Variants in NOL4 observed in about 807,000 individuals in gnomAD.
NOL4 encodes nucleolar protein 4.
Under a neutral mutation model 75.9 loss-of-function variants are expected in NOL4, and 17 were observed. The ratio of observed to expected loss-of-function variants is 0.22; its 90% CI spans 0.15 to 0.34. NOL4 has a LOEUF of 0.34. NOL4 is among the 10% of genes least tolerant of loss of function. The pLI is 1.00. For synonymous variants in NOL4, 292 were observed against 289.9 expected (o/e 1.01, Z -0.07); for missense variants, 614 against 793.5 (o/e 0.77, Z 2.72).
In NOL4 at chr18:33,943,159, T is replaced by C. The variant is rs1278423436; in HGVS notation, c.1448A>G (p.His483Arg). The change falls in exon 9 of 11, where the codon CAC becomes CGC. Residue 483 changes from histidine to arginine, a missense_variant. By Grantham distance (29) the His-to-Arg change is conservative (BLOSUM62 0). This residue lies in a region of NOL4 where 52 missense variants were observed against 121.1 expected (regional missense o/e 0.43). Transcript: ENST00000261592. ...GFEMSRPIPSHLTSAVAESIL... is the reference protein window; with the variant it reads ...GFEMSRPIPSRLTSAVAESIL... ...ACTCTCTGCAACTGCTGAAGTAAGG[T>C]GGGAAGGAATAGGTCGAGACTAAAA... 6.2e-7 allele frequency: 1 copy of C among 1,608,970 alleles called. No homozygotes were observed. The highest frequency in any genetic ancestry group is 8.5e-7 in the Non-Finnish European group (1 of 1,177,920).
chr18:33,876,727 A>C (rs17669451), intron 10 of NOL4, among the ~76,000 whole-genome samples: 23,768 of 152,102 alleles, frequency 0.16, 2,083 homozygotes, highest in Non-Finnish European at 0.2. Flanking sequence ...AAGAAAGTAC[A>C]CAAATAAAGG....
chr18:34,007,294 T>C (rs1031802862), intron 6 of NOL4, among the ~76,000 whole-genome samples: 1 of 152,046 alleles, frequency 6.6e-6, no homozygotes, highest in African/African-American at 2.4e-5. Context: ...CATTGCTTAG[T>C]GTTACCAGGC....
chr18:34,022,865 C>A (rs189870108), intron 5 of NOL4, among the ~76,000 whole-genome samples: 11 of 152,064 alleles, frequency 7.2e-5, no homozygotes, highest in African/African-American at 9.6e-5. Flanking sequence ...TTATGTATAT[C>A]TAATAAATGG....
At chr18:34,140,883 A>G (rs2081122544) in intron 1 of NOL4, among the ~76,000 whole-genome samples, 1 of 151,958 alleles carries the variant, frequency 6.6e-6, no homozygotes, top group Admixed American at 6.6e-5. Flanking sequence ...TCATGGTGAC[A>G]AAATCTCTCA....
chr18:33,973,630 A>G (rs1040005512), intron 6 of NOL4, among the ~76,000 whole-genome samples: 2 of 152,236 alleles, frequency 1.3e-5, no homozygotes, highest in African/African-American at 2.4e-5. Context: ...TTGATCTGTC[A>G]GCTGCAAAAT....
At chr18:33,878,327 C>T (rs192027775) in intron 10 of NOL4, among the ~76,000 whole-genome samples, 1 of 151,974 alleles carries the variant, frequency 6.6e-6, no homozygotes, top group South Asian at 2.1e-4. Context: ...TATTTGTATA[C>T]GTTATCTTTC....
intron 6 of NOL4, among the ~76,000 whole-genome samples, chr18:33,978,875 G>A (rs1290379097): frequency 6.6e-6 from 1 of 151,498 alleles, no homozygotes; most frequent in African/African-American, 2.4e-5. Context: ...TTTCATTTGA[G>A]GTTAATTGAA....
intron 1 of NOL4, among the ~76,000 whole-genome samples, chr18:34,171,855 T>C (rs2033073374): frequency 6.6e-6 from 1 of 152,144 alleles, no homozygotes; most frequent in Admixed American, 6.5e-5. Flanking sequence ...AAATTAAGAC[T>C]CTTAGAACTA....
chr18:34,070,329 T>G (rs1328463451), intron 5 of NOL4, among the ~76,000 whole-genome samples: 1 of 152,326 alleles, frequency 6.6e-6, no homozygotes, highest in Non-Finnish European at 1.5e-5. Flanking sequence ...CGCCTTGCCT[T>G]TTTTACACTA....
chr18:33,977,086 G>A (rs917092576), intron 6 of NOL4, among the ~76,000 whole-genome samples: 2 of 152,066 alleles, frequency 1.3e-5, no homozygotes, highest in Admixed American at 6.6e-5. Flanking sequence ...ATACAGTAAT[G>A]ATAATTTGGT....
chr18:34,184,501 A>G (rs996806412), intron 1 of NOL4, among the ~76,000 whole-genome samples: 34 of 152,034 alleles, frequency 2.2e-4, no homozygotes, highest in African/African-American at 7.7e-4. Context: ...AACAAAGAAA[A>G]AGAACATAGA....
chr18:34,033,424 C>A lies in NOL4; in HGVS notation c.773-13823G>T, dbSNP rs562131704. On this transcript the variant is annotated intron_variant, in intron 5 of 10. Coordinates refer to ENST00000261592, the MANE Select transcript of NOL4 (RefSeq NM_003787.5). ...AAGTTAAAAATACATTTGAAAGCTT[C>A]AGCAATAAACTAGATCAAGCAGAAG... Among the ~76,000 whole-genome samples, 115 of 151,564 alleles carry A rather than the reference C, an allele frequency of 7.6e-4. 1 individual carries two copies. Among genetic ancestry groups the A allele is most frequent in the Admixed American group, 3.4e-3 (51 of 15,216 alleles).
At chr18:34,045,111 C>G (rs906499780) in intron 5 of NOL4, among the ~76,000 whole-genome samples, 46 of 152,220 alleles carry the variant, frequency 3.0e-4, no homozygotes, top group African/African-American at 1.1e-3. Flanking sequence ...CAGAGGCTCA[C>G]TCTGTTGACC....
chr18:33,868,649 TCACACACACACA>T (rs10669407), intron 10 of NOL4, among the ~76,000 whole-genome samples: 11 of 137,960 alleles, frequency 8.0e-5, no homozygotes, highest in South Asian at 5.0e-4. Flanking sequence ...TTCCTGTATT[TCACACACACACA>T]CACACACACA....
intron 9 of NOL4, among the ~76,000 whole-genome samples, chr18:33,923,386 A>AT (rs561466888): frequency 3.4e-4 from 52 of 151,624 alleles, no homozygotes; most frequent in Non-Finnish European, 5.7e-4. Flanking sequence ...TTGAAATAGA[A>AT]TTTTTTTTGC....
chr18:34,078,892 G>A (rs748912665), intron 5 of NOL4, among the ~76,000 whole-genome samples: 2 of 152,166 alleles, frequency 1.3e-5, no homozygotes, highest in African/African-American at 4.8e-5. Flanking sequence ...TCTGGCCTCT[G>A]CCCCAAACCT....
chr18:33,978,963 ATTGT>A (rs1192323587), intron 6 of NOL4, among the ~76,000 whole-genome samples: 3 of 152,000 alleles, frequency 2.0e-5, no homozygotes, highest in Non-Finnish European at 4.4e-5. Flanking sequence ...CTGGTGTATA[ATTGT>A]TTGGGCAATA....
Position 33,986,987 on chromosome 18 carries a change from A to G in NOL4, c.1057-28569T>C, listed in dbSNP as rs76987418. Among the ~76,000 whole-genome samples, 865 of 152,166 alleles carry G rather than the reference A, an allele frequency of 5.7e-3. 8 individuals are homozygous for G. Among genetic ancestry groups the G allele is most frequent in the African/African-American group, 0.019 (796 of 41,538 alleles). On this transcript the variant is annotated intron_variant, in intron 6 of 10. Coordinates refer to ENST00000261592, the MANE Select transcript of NOL4 (RefSeq NM_003787.5). ...AAAGGCAGAAATATAGAGACAAAAA[A>G]CAGGTTAGTGATTGTCAGTGGGTAG...
At chr18:34,185,929 A>G (rs1023800636) in intron 1 of NOL4, among the ~76,000 whole-genome samples, 1 of 152,168 alleles carries the variant, frequency 6.6e-6, no homozygotes, top group African/African-American at 2.4e-5. Flanking sequence ...TGTGCCTAAT[A>G]TGACAGCTAA....
Sources: allele counts gnomAD v4.1 joint callset (sites outside exome capture counted in the v4.1 genomes callset), GRCh38; gene constraint gnomAD v4.1.1; regional missense constraint gnomAD v4.1.1; transcripts MANE v1.5; gene names NCBI Gene and HGNC (gene_info 2026-07-23, HGNC 2026-07-21).